FAR2: variants seen among roughly 807,000 people sequenced by gnomAD.
FAR2 encodes fatty acyl-CoA reductase 2.
In FAR2, 19 loss-of-function variants were observed where a neutral mutation model predicts 56.0. The ratio of observed to expected loss-of-function variants is 0.34; its 90% CI spans 0.24 to 0.50. The LOEUF (loss-of-function observed/expected upper bound fraction) is 0.50. FAR2 is among the 20% of genes least tolerant of loss of function. The pLI is 0.98. For missense variants in FAR2, 508 were observed against 642.2 expected, an observed-to-expected ratio of 0.79 and a Z score of 2.26; for synonymous variants, 219 against 218.8, an observed-to-expected ratio of 1.00 and a Z score of -0.01.
Position 29,293,353 on chromosome 12 carries a change from TATTTATGCAGATCTCA to T in FAR2, c.246_261del (p.Tyr83ArgfsTer20). The stretch of plus-strand genomic sequence containing the variant: ...CAAATGTGCATGAGAAGATCAGAGC[TATTTATGCAGATCTCA>T]ATCAGAATGACTTTGCCATCAGCAA... On this transcript the variant is annotated frameshift_variant, in exon 3 of 12. Coordinates refer to ENST00000536681, the MANE Select transcript of FAR2 (RefSeq NM_001271783.2). LOFTEE classifies it high-confidence loss of function. 1 of 1,609,942 alleles carries T rather than the reference TATTTATGCAGATCTCA, an allele frequency of 6.2e-7. No homozygotes were observed. The highest frequency in any genetic ancestry group is 8.5e-7 in the Non-Finnish European group (1 of 1,178,534).
At chr12:29,250,559 G>A (rs12809077) in intron 1 of FAR2, among the ~76,000 whole-genome samples, 19,126 of 151,974 alleles carry the variant, frequency 0.13, 1,397 homozygotes, top group East Asian at 0.27. Context: ...ACACTGAGAC[G>A]GTCTAGAAAT....
intron 1 of FAR2, among the ~76,000 whole-genome samples, chr12:29,192,690 T>A (rs1855398009): frequency 6.6e-6 from 1 of 152,238 alleles, no homozygotes; most frequent in African/African-American, 2.4e-5. Flanking sequence ...ATTTGTTATA[T>A]GTTTACAAAG....
intron 4 of FAR2, among the ~76,000 whole-genome samples, chr12:29,299,970 T>C (rs1949135702): frequency 6.6e-6 from 1 of 152,258 alleles, no homozygotes; most frequent in Non-Finnish European, 1.5e-5. Flanking sequence ...ATTCTGAATG[T>C]CTGGTTGCTT....
intron 1 of FAR2, among the ~76,000 whole-genome samples, chr12:29,189,638 A>G (rs546261460): frequency 1.3e-5 from 2 of 152,220 alleles, no homozygotes; most frequent in Non-Finnish European, 2.9e-5. Context: ...TAACCAATAT[A>G]TATACACATA....
Position 29,293,447 on chromosome 12 carries a change from G to C in FAR2, c.337G>C (p.Ala113Pro). Reference sequence around the variant, plus strand: ...TACAAACATAATATTTCACTGTGCAGCCACTGTACGCTTTGACGACACTCT... The same window carrying C: ...TACAAACATAATATTTCACTGTGCACCCACTGTACGCTTTGACGACACTCT... The part of the protein sequence containing the change: ...SCTNIIFHCA[A>P]TVRFDDTLRH... Residue 113 changes from alanine (A) to proline (P), a missense_variant, in exon 3 of 12, where the codon GCC (alanine) becomes CCC (proline). Physicochemically the swap from Ala to Pro is conservative, Grantham distance 27. Coordinates refer to ENST00000536681, the MANE Select transcript of FAR2 (RefSeq NM_001271783.2). 1 of 1,589,552 alleles carries C rather than the reference G, an allele frequency of 6.3e-7. No individual in the cohort carries two copies. Among genetic ancestry groups the C allele is most frequent in the Non-Finnish European group, 8.6e-7 (1 of 1,168,830 alleles).
At chr12:29,228,359 C>CTA (rs374801992) in intron 1 of FAR2, among the ~76,000 whole-genome samples, 1 of 22,068 alleles carries the variant, frequency 4.5e-5, no homozygotes, top group African/African-American at 1.6e-4. Context: ...GAAAATGGCA[C>CTA]TCTTTCTTAG....
intron 1 of FAR2, among the ~76,000 whole-genome samples, chr12:29,222,487 A>G (rs912865754): frequency 6.6e-6 from 1 of 152,148 alleles, no homozygotes; most frequent in South Asian, 2.1e-4. Flanking sequence ...GACAGTTACT[A>G]TGAGGAACTT....
chr12:29,269,002 C>T (rs1948567949), intron 1 of FAR2, among the ~76,000 whole-genome samples: 1 of 152,048 alleles, frequency 6.6e-6, no homozygotes, highest in Non-Finnish European at 1.5e-5. Context: ...GACCACAGGA[C>T]CAAGGTGAAA....
intron 3 of FAR2, among the ~76,000 whole-genome samples, chr12:29,295,246 G>A (rs1458240006): frequency 2.6e-5 from 4 of 152,026 alleles, no homozygotes; most frequent in South Asian, 2.1e-4. Flanking sequence ...GCTAATTTTT[G>A]TATTTTTGGT....
At chr12:29,291,317 A>G (rs1009378542) in intron 2 of FAR2, 6 of 448,840 alleles carry the variant, frequency 1.3e-5, no homozygotes, top group African/African-American at 6.0e-5. Flanking sequence ...TAAGAAATAC[A>G]ATTTCCTAGG....
At chr12:29,323,298 C>T (rs1299963278) in intron 10 of FAR2, among the ~76,000 whole-genome samples, 2 of 152,350 alleles carry the variant, frequency 1.3e-5, no homozygotes, top group South Asian at 2.1e-4. Context: ...GCCCGCCTGC[C>T]TCTGTAGGCT....
intron 1 of FAR2, among the ~76,000 whole-genome samples, chr12:29,250,484 G>A (rs1591891031): frequency 6.6e-6 from 1 of 152,052 alleles, no homozygotes; most frequent in East Asian, 1.9e-4. Context: ...AAGTTTTCTG[G>A]TTTCTAGCAC....
intron 1 of FAR2, among the ~76,000 whole-genome samples, chr12:29,258,063 G>A (rs1412966502): frequency 6.6e-6 from 1 of 152,048 alleles, no homozygotes; most frequent in Non-Finnish European, 1.5e-5. Context: ...AATCACAGGG[G>A]CTGGGCACAG....
At chr12:29,174,048 CT>C (rs1402378787) in intron 1 of FAR2, among the ~76,000 whole-genome samples, 1 of 152,180 alleles carries the variant, frequency 6.6e-6, no homozygotes, top group Non-Finnish European at 1.5e-5. Flanking sequence ...GACTTTACCC[CT>C]GTCCTGTAAA....
At chr12:29,180,158 T>G (rs987009782) in intron 1 of FAR2, among the ~76,000 whole-genome samples, 1 of 152,092 alleles carries the variant, frequency 6.6e-6, no homozygotes, top group Non-Finnish European at 1.5e-5. Context: ...GCAGAAGGTG[T>G]GATGTGTGGA....
intron 4 of FAR2, among the ~76,000 whole-genome samples, chr12:29,299,070 A>G (rs937726387): frequency 6.1e-4 from 92 of 152,032 alleles, no homozygotes; most frequent in African/African-American, 2.2e-3. Context: ...AAAATTAGCT[A>G]GGTGTGGTGG....
intron 8 of FAR2, among the ~76,000 whole-genome samples, chr12:29,315,485 T>C (rs1374507033): frequency 6.6e-6 from 1 of 152,140 alleles, no homozygotes; most frequent in Non-Finnish European, 1.5e-5. Flanking sequence ...CTGAGTTACA[T>C]TTTACAAGAA....
At chr12:29,158,679 T>C (rs1391719736) in intron 1 of FAR2, among the ~76,000 whole-genome samples, 1 of 152,242 alleles carries the variant, frequency 6.6e-6, no homozygotes, top group Admixed American at 6.5e-5. Context: ...CTTGAACTCC[T>C]AGACATACTA....
At chr12:29,333,553 G>A in intron 11 of FAR2, 79 bp from the exon 12 acceptor site, 1 of 1,344,424 alleles carries the variant, frequency 7.4e-7, no homozygotes, top group Non-Finnish European at 1.0e-6. Context: ...TCATATCCAG[G>A]AAAACACATA....
Sources: allele counts gnomAD v4.1 joint callset (sites outside exome capture counted in the v4.1 genomes callset), GRCh38; gene constraint gnomAD v4.1.1; transcripts MANE v1.5; gene names NCBI Gene and HGNC (gene_info 2026-07-23, HGNC 2026-07-21).